Variants in UVRAG observed in about 807,000 individuals in gnomAD.
The protein encoded by UVRAG is UV radiation resistance-associated gene protein.
A neutral mutation model predicts 78.0 loss-of-function variants in UVRAG; 19 were observed. That is an observed-to-expected ratio of 0.24 (90% CI 0.17 to 0.36). The LOEUF (loss-of-function observed/expected upper bound fraction) is 0.36, where lower values mean the gene tolerates loss of function less well. UVRAG is among the 10% of genes least tolerant of loss of function. UVRAG has a pLI of 1.00. For synonymous variants in UVRAG, 323 were observed against 324.6 expected (o/e 1.00, Z 0.05); for missense variants, 740 against 853.8 (o/e 0.87, Z 1.66).
intron 3 of UVRAG, among the ~76,000 whole-genome samples, chr11:75,877,751 C>T (rs1476974520): frequency 7.1e-6 from 1 of 141,656 alleles, no homozygotes; most frequent in East Asian, 2.2e-4. Context: ...CCCCCCACTT[C>T]CCTCCCGGAC....
chr11:75,971,040 C>T (rs2135237387), intron 7 of UVRAG, among the ~76,000 whole-genome samples: 1 of 152,316 alleles, frequency 6.6e-6, no homozygotes, highest in African/African-American at 2.4e-5. Flanking sequence ...CCTCCTCTGG[C>T]AACTGATCTT....
chr11:75,850,987 A>G (rs1946142885), intron 1 of UVRAG, among the ~76,000 whole-genome samples: 1 of 152,156 alleles, frequency 6.6e-6, no homozygotes, highest in Non-Finnish European at 1.5e-5. Context: ...ACCTCAGGAG[A>G]GTGAACTGGC....
intron 14 of UVRAG, among the ~76,000 whole-genome samples, chr11:76,116,890 T>G (rs1952192121): frequency 6.6e-6 from 1 of 152,246 alleles, no homozygotes; most frequent in African/African-American, 2.4e-5. Context: ...TGGTCTTTAC[T>G]TTGATTTTCA....
At chr11:76,015,988 C>A (rs1237993066) in intron 11 of UVRAG, among the ~76,000 whole-genome samples, 1 of 152,204 alleles carries the variant, frequency 6.6e-6, no homozygotes, top group African/African-American at 2.4e-5. Context: ...ATCCTGTTTC[C>A]TTCCTCTTGG....
At chr11:76,126,355 T>C (rs966932779) in intron 14 of UVRAG, among the ~76,000 whole-genome samples, 1 of 152,234 alleles carries the variant, frequency 6.6e-6, no homozygotes, top group African/African-American at 2.4e-5. Context: ...TGTAGACATG[T>C]AATAAACATT....
rs970730730 is a variant in UVRAG, at chr11:75,942,041, G to A, written c.594-19403G>A. 6.6e-5 allele frequency: 10 copies of A among 152,284 alleles called. 1 individual carries two copies. Among genetic ancestry groups the A allele is most frequent in the Admixed American group, 5.9e-4 (9 of 15,284 alleles). 9.4% of individuals were successfully genotyped at this position (152,284 alleles called of 1,614,324 possible). A position where few individuals can be genotyped will look rare whatever the true frequency, so the allele number is the denominator to read the frequency against. ...TTAAAAATGTAAGGCATTTTAAAGA[G>A]ATGGGGTGCCAGTTATAATTCAGTT... On this transcript the variant is annotated intron_variant, in intron 6 of 14. Coordinates refer to ENST00000356136, the MANE Select transcript of UVRAG (RefSeq NM_003369.4).
At chr11:76,017,391 A>G (rs977782463) in intron 12 of UVRAG, among the ~76,000 whole-genome samples, 3 of 152,190 alleles carry the variant, frequency 2.0e-5, no homozygotes, top group African/African-American at 7.2e-5. Context: ...AGATTAGTGA[A>G]TTGGAAGATA....
chr11:75,921,922 C>T (rs1947988474), intron 6 of UVRAG, among the ~76,000 whole-genome samples: 1 of 151,906 alleles, frequency 6.6e-6, no homozygotes, highest in Non-Finnish European at 1.5e-5. Flanking sequence ...TATTTTGTAA[C>T]TTTCAGATTG....
chr11:75,857,134 C>T lies in UVRAG; in HGVS notation c.236-4612C>T, dbSNP rs149453702. ...TAGACGTTTAACAGGTTTGTCTGCT[C>T]ATGCAACTCCGTCAGTCTGTTCTCA... is the stretch of plus-strand genomic sequence containing the variant. On this transcript the variant is annotated intron_variant, in intron 2 of 14. Transcript: ENST00000356136. 1.3e-3 allele frequency among the ~76,000 whole-genome samples: 194 copies of T among 152,356 alleles called. 1 individual carries two copies. Among genetic ancestry groups the T allele is most frequent in the African/African-American group, 4.4e-3 (181 of 41,588 alleles).
At chr11:75,923,121 G>T (rs989638518) in intron 6 of UVRAG, among the ~76,000 whole-genome samples, 1 of 149,936 alleles carries the variant, frequency 6.7e-6, no homozygotes, top group Non-Finnish European at 1.5e-5. Context: ...TGCAACCTCC[G>T]CCTCAAAAAG....
At chr11:76,055,363 T>C (rs936338535) in intron 12 of UVRAG, among the ~76,000 whole-genome samples, 1 of 152,238 alleles carries the variant, frequency 6.6e-6, no homozygotes, top group African/African-American at 2.4e-5. Context: ...TCTCTTATTA[T>C]TTACTATTAG....
chr11:75,942,728 A>G (rs1342692100), intron 6 of UVRAG, among the ~76,000 whole-genome samples: 1 of 152,168 alleles, frequency 6.6e-6, no homozygotes, highest in East Asian at 1.9e-4. Context: ...GGGGATACAA[A>G]GGAAGAAGAC....
intron 13 of UVRAG, among the ~76,000 whole-genome samples, chr11:76,100,370 T>G (rs1951857614): frequency 6.6e-6 from 1 of 152,128 alleles, no homozygotes. Flanking sequence ...CCATTGTGCC[T>G]GACACATAGT....
intron 1 of UVRAG, among the ~76,000 whole-genome samples, chr11:75,828,798 T>TACACAC (rs1945589466): frequency 9.8e-6 from 1 of 101,832 alleles, no homozygotes; most frequent in Non-Finnish European, 2.0e-5. Flanking sequence ...TATATATATA[T>TACACAC]ATATATATTT....
At chr11:75,890,267 T>A (rs1050903128) in intron 5 of UVRAG, among the ~76,000 whole-genome samples, 3 of 152,234 alleles carry the variant, frequency 2.0e-5, no homozygotes, top group Non-Finnish European at 2.9e-5. Context: ...TAGAGACTGA[T>A]TGTAGAAGAG....
At chr11:75,931,582 G>A (rs1204943940) in intron 6 of UVRAG, among the ~76,000 whole-genome samples, 4 of 152,036 alleles carry the variant, frequency 2.6e-5, no homozygotes, top group Non-Finnish European at 4.4e-5. Flanking sequence ...AAAAGTTCTC[G>A]TTCAACCCTC....
intron 5 of UVRAG, among the ~76,000 whole-genome samples, chr11:75,908,741 T>TTTTTTG (rs1947673259): frequency 4.6e-5 from 6 of 130,438 alleles, no homozygotes; most frequent in African/African-American, 1.9e-4. Flanking sequence ...TTTTTTTTTG[T>TTTTTTG]GGGAGTTTTG....
intron 7 of UVRAG, among the ~76,000 whole-genome samples, chr11:75,963,760 AT>A (rs11295349): frequency 0.052 from 7,943 of 152,212 alleles, 257 homozygotes; most frequent in African/African-American, 0.091. Flanking sequence ...GTTTTTTGGC[AT>A]TTAATTTTAT....
intron 12 of UVRAG, among the ~76,000 whole-genome samples, chr11:76,056,680 C>T (rs1950990760): frequency 6.6e-6 from 1 of 152,132 alleles, no homozygotes; most frequent in Non-Finnish European, 1.5e-5. Context: ...GAGATAAAAA[C>T]TTAGTTGATC....
Sources: gnomAD v4.1 joint callset for allele counts (sites outside exome capture counted in the v4.1 genomes callset) on GRCh38, gnomAD v4.1.1 for gene constraint, MANE v1.5 for transcripts, NCBI Gene and HGNC (gene_info 2026-07-23, HGNC 2026-07-21) for gene names.